The following TTC3 variants were observed in gnomAD, a reference collection of about 807,000 sequenced individuals.
TTC3 encodes the protein E3 ubiquitin-protein ligase TTC3.
TTC3 carries 180 observed loss-of-function variants against 249.6 expected under a neutral mutation model. The observed-to-expected ratio is 0.72, with a 90% CI of 0.64 to 0.82. The LOEUF (loss-of-function observed/expected upper bound fraction) is 0.82, where lower values mean the gene tolerates loss of function less well. Ranked by LOEUF, TTC3 falls within the 40% of genes least tolerant of loss-of-function variation. TTC3 has a pLI of 0.00. For synonymous variants in TTC3, 717 were observed against 805.0 expected (o/e 0.89, Z 1.85); for missense variants, 2,061 against 2,398.4 (o/e 0.86, Z 2.94).
In TTC3 at chr21:37,129,680, C is replaced by T. The variant is rs770803681; in HGVS notation, c.1358+617C>T. Among the ~76,000 whole-genome samples the T allele has an allele frequency of 3.3e-5, 5 of 152,084 alleles. No homozygotes were observed. The South Asian group carries it at 6.2e-4, about 19-fold the overall frequency. On this transcript the variant is annotated intron_variant, in intron 16 of 45. Coordinates refer to ENST00000355666, the Ensembl canonical transcript of TTC3. ...GGGTCTTGCTCTATCACTTAGGCTGCGGTGCAGTGGTGTAACCCTAGCTCA... is the reference window on the plus strand; with the variant it reads ...GGGTCTTGCTCTATCACTTAGGCTGTGGTGCAGTGGTGTAACCCTAGCTCA...
At position 37,124,112 on chromosome 21, in the gene TTC3, CT is replaced by C. The variant is rs60916518; in HGVS notation, c.1110-484del. ...GCAGAATACTTCTTTTTGAACTGTT[CT>C]TTTTTTTTTTTTTTTTTTTTTTGAG... On this transcript the variant is annotated intron_variant, in intron 13 of 45. Coordinates refer to ENST00000355666, the Ensembl canonical transcript of TTC3. Among the ~76,000 whole-genome samples, 275 of 61,240 alleles carry C rather than the reference CT, an allele frequency of 4.5e-3. 2 individuals are homozygous for C. Among genetic ancestry groups the C allele is most frequent in the African/African-American group, 0.017 (251 of 14,372 alleles). 40.2% of individuals were successfully genotyped at this position (61,240 alleles called of 152,430 possible). A position where few individuals can be genotyped will look rare whatever the true frequency, so the allele number is the denominator to read the frequency against.
chr21:37,200,351 C>G (rs575171294), intron 45 of TTC3, 27 bp downstream of exon 45: 1 of 1,601,186 alleles, frequency 6.2e-7, no homozygotes, highest in African/African-American at 1.3e-5. Context: ...GCCATCCTTA[C>G]AGCATGCATT....
intron 35 of TTC3, among the ~76,000 whole-genome samples, chr21:37,173,014 C>G (rs2081944011): frequency 6.6e-6 from 1 of 152,124 alleles, no homozygotes; most frequent in African/African-American, 2.4e-5. Context: ...AACTAAAACT[C>G]TATTTTATGG....
At chr21:37,157,266 G>T (rs2080193380) in intron 28 of TTC3, 1 of 1,108,558 alleles carries the variant, frequency 9.0e-7, no homozygotes, top group African/African-American at 1.6e-5. Flanking sequence ...GCAGAAGTAG[G>T]TGATGTTTGC....
chr21:37,090,280 A>G, exon 6 of TTC3: 1 of 1,605,324 alleles, frequency 6.2e-7, no homozygotes, highest in Non-Finnish European at 8.5e-7. Flanking sequence ...GTTGTAAAAT[A>G]GAAAATGTAA....
chr21:37,105,617 C>T (rs73407958), intron 10 of TTC3, among the ~76,000 whole-genome samples: 3,120 of 152,300 alleles, frequency 0.02, 101 homozygotes, highest in African/African-American at 0.072. Flanking sequence ...ATCACAACCC[C>T]AGTACCCCAG....
chr21:37,095,135 A>ACATGTG (rs1555853733), intron 8 of TTC3, among the ~76,000 whole-genome samples: 4 of 76,756 alleles, frequency 5.2e-5, no homozygotes, highest in Non-Finnish European at 1.3e-4. Flanking sequence ...GTCTCTAAAA[A>ACATGTG]TATGTGTGTG....
At position 37,158,222 on chromosome 21, in the gene TTC3, G is replaced by A. The variant is rs188414972; in HGVS notation, c.2992+1316G>A. The A allele has an allele frequency of 1.2e-4, 117 of 985,294 alleles. No homozygotes were observed. In the African/African-American group the frequency reaches 1.7e-3, roughly 15 times the overall value. The allele number at this position is 985,294 out of a possible 1,614,324, so 61.0% of individuals were successfully genotyped here. On this transcript the variant is annotated intron_variant, in intron 28 of 45. Coordinates refer to ENST00000355666, the Ensembl canonical transcript of TTC3. ...GCTGCTGGTAATAAAATGCTGTCCCGGGACTGAGCTTACAAAACCTGATGC... is the reference window on the plus strand; with the variant it reads ...GCTGCTGGTAATAAAATGCTGTCCCAGGACTGAGCTTACAAAACCTGATGC...
At chr21:37,136,787 A>G (rs916112722) in intron 18 of TTC3, among the ~76,000 whole-genome samples, 2 of 152,228 alleles carry the variant, frequency 1.3e-5, no homozygotes, top group African/African-American at 4.8e-5. Context: ...TTGGAAGAAG[A>G]TGCCATCTAG....
At chr21:37,166,669 A>G (rs2148078005) in intron 33 of TTC3, 54 bp downstream of exon 33, 1 of 1,507,314 alleles carries the variant, frequency 6.6e-7, no homozygotes, top group South Asian at 1.4e-5. Flanking sequence ...TTTCCTTTTC[A>G]TTTTTCATTG....
chr21:37,078,465 G>A (rs909489617), intron 1 of TTC3, among the ~76,000 whole-genome samples: 3 of 152,024 alleles, frequency 2.0e-5, no homozygotes, highest in African/African-American at 7.2e-5. Flanking sequence ...TAAAGTTTTA[G>A]TGTAGTTTTG....
At position 37,108,169 on chromosome 21, in the gene TTC3, G is replaced by A. The variant is rs1409468318; in HGVS notation, c.846-223G>A. 1.1e-5 allele frequency: 5 copies of A among 449,752 alleles called. No homozygotes were observed. The South Asian group carries it at 1.4e-4, about 13-fold the overall frequency. The allele number at this position is 449,752 out of a possible 1,614,324, so 27.9% of individuals were successfully genotyped here. Reference sequence around the variant, plus strand: ...AGAAATATTAAAAGTAGTTATTCCTGGGTAGTTGTGATTGTGACTCTGGGT... The same window carrying A: ...AGAAATATTAAAAGTAGTTATTCCTAGGTAGTTGTGATTGTGACTCTGGGT... On this transcript the variant is annotated intron_variant, in intron 10 of 45. Coordinates refer to ENST00000355666, the Ensembl canonical transcript of TTC3.
chr21:37,148,322 AG>A (rs1199374179), intron 22 of TTC3, among the ~76,000 whole-genome samples: 1 of 152,232 alleles, frequency 6.6e-6, no homozygotes, highest in Non-Finnish European at 1.5e-5. Flanking sequence ...GGTTTATTCA[AG>A]AAGCTAGTAG....
At chr21:37,138,891 G>T (rs184841192) in intron 19 of TTC3, among the ~76,000 whole-genome samples, 177 bp downstream of exon 19, 1 of 152,048 alleles carries the variant, frequency 6.6e-6, no homozygotes, top group South Asian at 2.1e-4. Flanking sequence ...TTAGAAAAAG[G>T]CTTTGCCAGG....
At chr21:37,168,590 T>C (rs891688790) in intron 34 of TTC3, among the ~76,000 whole-genome samples, 6 of 152,218 alleles carry the variant, frequency 3.9e-5, no homozygotes, top group Non-Finnish European at 7.3e-5. Context: ...AGATATTTCA[T>C]GTACTTGGAT....
chr21:37,151,386 C>T (rs1313200036), intron 25 of TTC3, among the ~76,000 whole-genome samples: 1 of 151,860 alleles, frequency 6.6e-6, no homozygotes, highest in African/African-American at 2.4e-5. Context: ...TTTGGTCCTG[C>T]TTCTTGTTTT....
chr21:37,147,673 G>T, intron 22 of TTC3, 70 bp downstream of exon 22: 1 of 1,517,632 alleles, frequency 6.6e-7, no homozygotes, highest in Non-Finnish European at 8.8e-7. Context: ...AAAACAATCT[G>T]TAATTGGAGG....
intron 20 of TTC3, among the ~76,000 whole-genome samples, chr21:37,142,881 C>G (rs1294041708): frequency 6.6e-6 from 1 of 152,300 alleles, no homozygotes; most frequent in East Asian, 1.9e-4. Flanking sequence ...CAGCATGTTA[C>G]TGGTACCAAA....
chr21:37,118,029 C>T (rs73407971), intron 11 of TTC3, among the ~76,000 whole-genome samples: 3,041 of 151,400 alleles, frequency 0.02, 100 homozygotes, highest in African/African-American at 0.07. Context: ...GGTGATGTGT[C>T]GTATGATTGC....
Sources: allele counts gnomAD v4.1 joint callset (sites outside exome capture counted in the v4.1 genomes callset), GRCh38; gene constraint gnomAD v4.1.1; transcripts MANE v1.5; gene names NCBI Gene and HGNC (gene_info 2026-07-23, HGNC 2026-07-21).